Variants in GAK observed in about 807,000 individuals in gnomAD.
GAK encodes the protein cyclin-G-associated kinase.
A neutral mutation model predicts 143.9 loss-of-function variants in GAK; 79 were observed. That is an observed-to-expected ratio of 0.55 (90% CI 0.46 to 0.66). GAK has a LOEUF of 0.66. Ranked by LOEUF, GAK falls within the 30% of genes least tolerant of loss-of-function variation. The pLI, the probability that GAK is intolerant of heterozygous loss-of-function variation, is 0.00. For synonymous variants in GAK, 881 were observed against 765.5 expected (o/e 1.15, Z -2.49); for missense variants, 1,693 against 1,779.7 (o/e 0.95, Z 0.88).
intron 26 of GAK, 38 bp downstream of exon 26, chr4:850,898 G>A (rs759322908): frequency 6.3e-7 from 1 of 1,599,178 alleles, no homozygotes; most frequent in Non-Finnish European, 8.5e-7. Context: ...ATGGGTTGAG[G>A]CCTCTGGGCT....
chr4:926,146 C>G (rs1724702535), intron 1 of GAK, among the ~76,000 whole-genome samples: 2 of 151,930 alleles, frequency 1.3e-5, no homozygotes, highest in Non-Finnish European at 2.9e-5. Context: ...ACGTCTAATT[C>G]ACCCCAGGGG....
intron 1 of GAK, chr4:914,090 C>T (rs1577293597): frequency 6.1e-6 from 1 of 163,418 alleles, no homozygotes; most frequent in Non-Finnish European, 1.0e-5. Flanking sequence ...CCAGCGTGCA[C>T]GGCCCCACAC....
At chr4:911,068 ACC>A (rs1051868727) in intron 4 of GAK, among the ~76,000 whole-genome samples, 1 of 151,354 alleles carries the variant, frequency 6.6e-6, no homozygotes, top group Non-Finnish European at 1.5e-5. Flanking sequence ...CGAAAGCACC[ACC>A]CCAACCCACC....
At position 888,720 on chromosome 4, in the gene GAK, C is replaced by T. The variant is rs1266572068; in HGVS notation, c.1205+127G>A. The stretch of plus-strand genomic sequence containing the variant: ...CCTGGGAGAAGCGGGTGATGCTGTC[C>T]CACTGCCTCAGGGGCCCCTGTGGGG... On this transcript the variant is annotated intron_variant, in intron 11 of 27. Coordinates refer to ENST00000314167, the MANE Select transcript of GAK (RefSeq NM_005255.4). 9.6e-6 allele frequency: 11 copies of T among 1,146,790 alleles called. 1 individual carries two copies. The South Asian group carries it at 1.6e-4, about 16-fold the overall frequency. The allele number at this position is 1,146,790 out of a possible 1,614,324, so 71.0% of individuals were successfully genotyped here.
intron 1 of GAK, among the ~76,000 whole-genome samples, chr4:924,876 C>G (rs1322320918): frequency 2.7e-5 from 4 of 150,484 alleles, no homozygotes; most frequent in African/African-American, 9.8e-5. Context: ...CCTGTGAGAT[C>G]TGATTGGGTT....
Position 884,082 on chromosome 4 carries a change from C to T in GAK, c.1210G>A (p.Ala404Thr), listed in dbSNP as rs749064090. 9.3e-6 allele frequency: 15 copies of T among 1,613,246 alleles called. No individual in the cohort carries two copies. Among genetic ancestry groups the T allele is most frequent in the African/African-American group, 2.7e-5 (2 of 74,946 alleles). Reference sequence around the variant, plus strand: ...TAAGATATGTCCAGGTCACCCTTTGCATAACTGGAATTAAAAAGAAGAGAA... The same window carrying T: ...TAAGATATGTCCAGGTCACCCTTTGTATAACTGGAATTAAAAAGAAGAGAA... ...SKVIQSVANYAKGDLDISYIT... is the reference protein window; with the variant it reads ...SKVIQSVANYTKGDLDISYIT... Residue 404 changes from alanine to threonine, a missense_variant, in exon 12 of 28, where the codon GCA (alanine) becomes ACA (threonine). By Grantham distance (58) the Ala-to-Thr change is moderately conservative. Transcript: ENST00000314167.
intron 9 of GAK, among the ~76,000 whole-genome samples, chr4:892,963 C>A (rs1189921221): frequency 6.6e-6 from 1 of 152,198 alleles, no homozygotes; most frequent in Non-Finnish European, 1.5e-5. Context: ...GAGCCCAGGG[C>A]CCTCAAGAGC....
rs142557528 is a variant in GAK at position 860,364 on chromosome 4, G to A, written c.3167-642C>T. 2.9e-4 allele frequency among the ~76,000 whole-genome samples: 43 copies of A among 149,460 alleles called. 1 individual carries two copies. In the East Asian group the frequency reaches 3.9e-3, roughly 14 times the overall value. Reference sequence around the variant, plus strand: ...CTCTGTCTCAAAAAAAAAAAAAACCGTGGTAGAGCTACTTGATAGAGTGCC... The same window carrying A: ...CTCTGTCTCAAAAAAAAAAAAAACCATGGTAGAGCTACTTGATAGAGTGCC... On this transcript the variant is annotated intron_variant, in intron 23 of 27. Coordinates refer to ENST00000314167, the MANE Select transcript of GAK (RefSeq NM_005255.4).
At chr4:897,819 T>G (rs542054303) in intron 6 of GAK, among the ~76,000 whole-genome samples, 4 of 152,230 alleles carry the variant, frequency 2.6e-5, no homozygotes, top group South Asian at 4.1e-4. Context: ...CGTGGTGGTG[T>G]GTGCCTGTAA....
chr4:851,324 G>C, intron 25 of GAK: 1 of 449,982 alleles, frequency 2.2e-6, no homozygotes, highest in Non-Finnish European at 4.1e-6. Context: ...TTGAACTCCT[G>C]GGCTCCAGCG....
chr4:851,246 C>A (rs956885631), intron 25 of GAK, 162 bp from the exon 26 acceptor site: 2 of 559,124 alleles, frequency 3.6e-6, no homozygotes, highest in South Asian at 2.1e-5. Context: ...CACAGGCATG[C>A]GCCACCATGC....
intron 15 of GAK, among the ~76,000 whole-genome samples, chr4:878,519 G>A (rs1267761377): frequency 6.6e-6 from 1 of 152,188 alleles, no homozygotes; most frequent in East Asian, 1.9e-4. Context: ...CTATTGTTGG[G>A]TGGAACGTCC....
chr4:849,831 A>AGGGGGGGGGGG, intron 27 of GAK, 57 bp from the exon 28 acceptor site: 8 of 998,992 alleles, frequency 8.0e-6, no homozygotes, highest in Non-Finnish European at 1.2e-5. Flanking sequence ...CGGGCGGGGC[A>AGGGGGGGGGGG]GGACCCCCCC....
chr4:850,364 A>G, intron 26 of GAK: 1 of 337,068 alleles, frequency 3.0e-6, no homozygotes, highest in Non-Finnish European at 5.4e-6. Context: ...CCCTTGGCCC[A>G]TCCCAGGCCC....
At chr4:909,251 C>A (rs1721608873) in intron 4 of GAK, among the ~76,000 whole-genome samples, 1 of 152,276 alleles carries the variant, frequency 6.6e-6, no homozygotes. Context: ...ATGCGTGCTC[C>A]CGACAAATCT....
At position 851,859 on chromosome 4, in the gene GAK, A is replaced by AG; in HGVS notation, c.3398dup (p.Gln1134SerfsTer15). The stretch of plus-strand genomic sequence containing the variant: ...AGGCTTTGGGGGGCGGCTTGGCCTG[A>AG]GGGGGCCATGAGGCGCCCTGGGCTG... On this transcript the variant is annotated frameshift_variant, in exon 25 of 28. Coordinates refer to ENST00000314167, the MANE Select transcript of GAK (RefSeq NM_005255.4). LOFTEE classifies it high-confidence loss of function. 1 of 1,609,194 alleles carries AG rather than the reference A, an allele frequency of 6.2e-7. No homozygotes were observed. Among genetic ancestry groups the AG allele is most frequent in the Non-Finnish European group, 8.5e-7 (1 of 1,177,096 alleles).
chr4:894,815 TA>T (rs971273979), intron 7 of GAK: 4 of 152,128 alleles, frequency 2.6e-5, no homozygotes, highest in Admixed American at 2.6e-4. Flanking sequence ...ATCCCGTCTC[TA>T]CTAAAAATAC....
intron 7 of GAK, among the ~76,000 whole-genome samples, chr4:895,894 G>T (rs1718675344): frequency 6.6e-6 from 1 of 152,206 alleles, no homozygotes; most frequent in Admixed American, 6.5e-5. Flanking sequence ...CATGGACGGG[G>T]CCGAGGGGAG....
rs1211239076 is a variant in GAK, at chr4:867,162, T to A, written c.2666A>T (p.Glu889Val). The change falls in exon 21 of 28, where the codon GAG (glutamate) becomes GTG (valine). Residue 889 changes from glutamate to valine, a missense_variant. Glu to Val is a moderately radical substitution (Grantham distance 121). This residue lies in a region of GAK where 822 missense variants were observed against 788.7 expected (regional missense o/e 1.04). Transcript: ENST00000314167. The stretch of plus-strand genomic sequence containing the variant: ...GGGTACAGCTGGCCCTGCGCCCACC[T>A]CGGAGTGCAGGCCCAGGAGGTCGAC... ...DGVDLLGLHS[E>V]VGAGPAVPPQ... The A allele has an allele frequency of 1.9e-6, 3 of 1,602,724 alleles. No individual in the cohort carries two copies. The African/African-American group carries it at 4.0e-5, about 21-fold the overall frequency.
Sources: allele counts gnomAD v4.1 joint callset (sites outside exome capture counted in the v4.1 genomes callset), GRCh38; gene constraint gnomAD v4.1.1; regional missense constraint gnomAD v4.1.1; transcripts MANE v1.5; gene names NCBI Gene and HGNC (gene_info 2026-07-23, HGNC 2026-07-21).